Variants in IGF2R observed in about 807,000 individuals in gnomAD.
IGF2R encodes insulin like growth factor 2 receptor.
Under a neutral mutation model 270.6 loss-of-function variants are expected in IGF2R, and 91 were observed. That is an observed-to-expected ratio of 0.34 (90% CI 0.28 to 0.40). The LOEUF (loss-of-function observed/expected upper bound fraction) is 0.40. IGF2R is among the 10% of genes least tolerant of loss of function. IGF2R has a pLI of 1.00. For synonymous variants in IGF2R, 1,316 were observed against 1,258.9 expected, an observed-to-expected ratio of 1.05 and a Z score of -0.96; for missense variants, 2,805 against 3,188.3, an observed-to-expected ratio of 0.88 and a Z score of 2.90.
At chr6:160,074,529 C>T (rs1437940818) in intron 35 of IGF2R, among the ~76,000 whole-genome samples, 1 of 152,236 alleles carries the variant, frequency 6.6e-6, no homozygotes. Context: ...TTAAGTGATC[C>T]TCCTGAAGTT....
At chr6:160,014,471 C>A (rs1455809361) in intron 4 of IGF2R, among the ~76,000 whole-genome samples, 2 of 152,164 alleles carry the variant, frequency 1.3e-5, no homozygotes, top group Non-Finnish European at 2.9e-5. Context: ...CTTCTCTTCC[C>A]TCCTGGAGTA....
At chr6:159,984,537 CT>C (rs1783852145) in intron 1 of IGF2R, among the ~76,000 whole-genome samples, 1 of 152,182 alleles carries the variant, frequency 6.6e-6, no homozygotes, top group Non-Finnish European at 1.5e-5. Flanking sequence ...TGCACCTTTT[CT>C]ACGTTTAGAT....
chr6:160,065,608 C>G (rs1025307891), intron 29 of IGF2R, among the ~76,000 whole-genome samples: 1 of 151,846 alleles, frequency 6.6e-6, no homozygotes, highest in Non-Finnish European at 1.5e-5. Context: ...TCATGTGAAA[C>G]AAATTTGTTT....
intron 36 of IGF2R, among the ~76,000 whole-genome samples, chr6:160,077,118 C>T (rs1043128551): frequency 6.6e-6 from 1 of 152,192 alleles, no homozygotes. Flanking sequence ...TTTGGGGCTA[C>T]TCCACAGGGG....
At chr6:159,971,005 C>G (rs1015154) in intron 1 of IGF2R, among the ~76,000 whole-genome samples, 60,359 of 151,764 alleles carry the variant, frequency 0.4, 12,681 homozygotes, top group East Asian at 0.69. Context: ...GTTAGCCCCG[C>G]AGGTCGAGGT....
At chr6:159,995,896 T>C (rs1335574162) in intron 2 of IGF2R, among the ~76,000 whole-genome samples, 2 of 58,192 alleles carry the variant, frequency 3.4e-5, no homozygotes, top group Non-Finnish European at 6.0e-5. Context: ...TGCAGCGCTC[T>C]TTTTTTTTTT....
chr6:160,068,241 C>G lies in IGF2R; in HGVS notation c.4116-8C>G. On this transcript the variant is annotated splice_polypyrimidine_tract_variant and splice_region_variant and intron_variant, in intron 29 of 47. Transcript: ENST00000356956. ...AGCCTAACTAACTGCGGGTTTTCTT[C>G]TTTTCAGAGATGGGGCTGGCAACTC... The G allele has an allele frequency of 6.2e-7, 1 of 1,614,012 alleles. No individual in the cohort carries two copies.
At chr6:160,012,765 T>TATATATATATATA (rs1562343074) in intron 4 of IGF2R, among the ~76,000 whole-genome samples, 830 of 75,986 alleles carry the variant, frequency 0.011, 52 homozygotes, top group East Asian at 0.049. Context: ...ATATATATAT[T>TATATATATATATA]TTTTTTTTTT....
Position 159,984,869 on chromosome 6 carries a change from C to G in IGF2R, c.150-6315C>G, listed in dbSNP as rs563876467. On this transcript the variant is annotated intron_variant, in intron 1 of 47. Coordinates refer to ENST00000356956, the MANE Select transcript of IGF2R (RefSeq NM_000876.4). ...TTTTGAGAGAGAGATGCCACATTCA[C>G]ATACCTTTTATTACAGTTATAATTG... is the stretch of plus-strand genomic sequence containing the variant. Among the ~76,000 whole-genome samples, 4 of 152,320 alleles carry G rather than the reference C, an allele frequency of 2.6e-5. No homozygotes were observed. The East Asian group carries it at 7.7e-4, about 29-fold the overall frequency.
chr6:159,989,483 C>T (rs1190771896), intron 1 of IGF2R, among the ~76,000 whole-genome samples: 1 of 152,188 alleles, frequency 6.6e-6, no homozygotes, highest in African/African-American at 2.4e-5. Flanking sequence ...TGGTCTTACC[C>T]CCAGGGCCTC....
chr6:160,077,177 A>G (rs1441934174), intron 36 of IGF2R, among the ~76,000 whole-genome samples: 2 of 152,210 alleles, frequency 1.3e-5, no homozygotes, highest in South Asian at 4.1e-4. Flanking sequence ...CTTAGAGTGT[A>G]GTGACAGTCC....
chr6:160,053,790 C>T (rs150580782), intron 19 of IGF2R, among the ~76,000 whole-genome samples: 61 of 152,280 alleles, frequency 4.0e-4, no homozygotes, highest in Middle Eastern at 3.4e-3. Flanking sequence ...TGAATCACTG[C>T]AGCCTCGACT....
intron 19 of IGF2R, among the ~76,000 whole-genome samples, chr6:160,052,393 T>G (rs901117224): frequency 8.5e-5 from 13 of 152,122 alleles, no homozygotes; most frequent in Non-Finnish European, 1.8e-4. Context: ...GAAGAACCTC[T>G]TCAAGGAGAA....
Position 160,108,413 on chromosome 6 carries a change from T to C in IGF2R, c.*3329T>C, listed in dbSNP as rs371327271. 5.0e-4 allele frequency: 76 copies of C among 152,408 alleles called. No individual in the cohort carries two copies. Among genetic ancestry groups the C allele is most frequent in the African/African-American group, 1.6e-3 (67 of 41,514 alleles). The allele number at this position is 152,408 out of a possible 1,614,324, so 9.4% of individuals were successfully genotyped here. ...GACTGTCACAGTAAGGAGTTTGAAG[T>C]CCTGAAAGCAGTTGAGAGCTGTAGG... On this transcript the variant is annotated 3_prime_UTR_variant, in exon 48 of 48. Coordinates refer to ENST00000356956, the MANE Select transcript of IGF2R (RefSeq NM_000876.4).
At chr6:160,024,488 C>A in intron 4 of IGF2R, 84 bp from the exon 5 acceptor site, 1 of 1,286,992 alleles carries the variant, frequency 7.8e-7, no homozygotes, top group Non-Finnish European at 1.1e-6. Context: ...GAATGGAGAG[C>A]AGTGTTGTGT....
intron 1 of IGF2R, among the ~76,000 whole-genome samples, chr6:159,971,840 A>G (rs192838833): frequency 1.4e-4 from 22 of 152,236 alleles, no homozygotes; most frequent in African/African-American, 5.3e-4. Flanking sequence ...AATTTTTAAT[A>G]GAGATGACGT....
At chr6:160,081,879 G>A (rs1371161424) in intron 39 of IGF2R, among the ~76,000 whole-genome samples, 2 of 152,162 alleles carry the variant, frequency 1.3e-5, no homozygotes, top group East Asian at 3.8e-4. Flanking sequence ...CTGTTATCCT[G>A]TTCTTAAGGT....
At position 160,104,781 on chromosome 6, in the gene IGF2R, T is replaced by C; in HGVS notation, c.7173T>C (p.Ile2391=). Residue 2391 remains isoleucine, a synonymous_variant, in exon 48 of 48, where the codon ATT becomes ATC. Coordinates refer to ENST00000356956, the MANE Select transcript of IGF2R (RefSeq NM_000876.4). ...QGKEGQENGH[I]TTKSVKALSS... is the part of the protein sequence containing the mutation. ...AGGAAGGGCAGGAGAACGGCCATAT[T>C]ACCACCAAGTCAGTGAAAGCCCTCA... 6.2e-7 allele frequency: 1 copy of C among 1,614,106 alleles called. No homozygotes were observed. Among genetic ancestry groups the C allele is most frequent in the Non-Finnish European group, 8.5e-7 (1 of 1,180,010 alleles).
intron 29 of IGF2R, among the ~76,000 whole-genome samples, chr6:160,065,782 ATGTGTGTGTGTG>A (rs57759831): frequency 2.1e-5 from 2 of 93,192 alleles, no homozygotes; most frequent in African/African-American, 8.7e-5. Flanking sequence ...AGATATGTGT[ATGTGTGTGTGTG>A]TGTGTGTGTG....
Sources: allele counts gnomAD v4.1 joint callset (sites outside exome capture counted in the v4.1 genomes callset), GRCh38; gene constraint gnomAD v4.1.1; transcripts MANE v1.5; gene names NCBI Gene and HGNC (gene_info 2026-07-23, HGNC 2026-07-21).